KAT6B: variants seen among roughly 807,000 people sequenced by gnomAD.
The protein encoded by KAT6B is histone acetyltransferase KAT6B.
In KAT6B, 10 loss-of-function variants were observed where a neutral mutation model predicts 187.5. That is an observed-to-expected ratio of 0.05 (90% CI 0.03 to 0.09). KAT6B has a LOEUF of 0.09. KAT6B is among the 10% of genes least tolerant of loss of function. KAT6B has a pLI of 1.00. For missense variants in KAT6B, 1,952 were observed against 2,558.9 expected, an observed-to-expected ratio of 0.76 and a Z score of 5.12; for synonymous variants, 861 against 926.8, an observed-to-expected ratio of 0.93 and a Z score of 1.29.
At chr10:74,842,445 G>GA (rs2132068148) in intron 2 of KAT6B, among the ~76,000 whole-genome samples, 155 bp from the exon 3 acceptor site, 1 of 152,240 alleles carries the variant, frequency 6.6e-6, no homozygotes, top group East Asian at 1.9e-4. Flanking sequence ...ATTTCTTGTT[G>GA]AAAAATATAG....
intron 3 of KAT6B, among the ~76,000 whole-genome samples, chr10:74,895,245 G>GT (rs1258030518): frequency 6.6e-6 from 1 of 151,600 alleles, no homozygotes; most frequent in Non-Finnish European, 1.5e-5. Flanking sequence ...TTAGTTTGTT[G>GT]TTTTTTTGAT....
In KAT6B at chr10:74,981,302, TCTTTCTTC is replaced by T. The variant is rs1313712322; in HGVS notation, c.2232-481_2232-474del. The stretch of plus-strand genomic sequence containing the variant: ...TTACTATTGGCTGGCTTTCTTTCTT[TCTTTCTTC>T]CTTCCTTCCTTCCTTCCTTCCTTCC... On this transcript the variant is annotated intron_variant, in intron 10 of 17. Transcript: ENST00000287239. Among the ~76,000 whole-genome samples, 35 of 126,714 alleles carry T rather than the reference TCTTTCTTC, an allele frequency of 2.8e-4. 1 individual carries two copies. The South Asian group carries it at 9.7e-3, about 35-fold the overall frequency. The allele number at this position is 126,714 out of a possible 152,430, so 83.1% of individuals were successfully genotyped here.
Position 74,975,966 on chromosome 10 carries a change from C to G in KAT6B, c.1629C>G (p.Leu543=), listed in dbSNP as rs1554835808. The G allele has an allele frequency of 1.2e-6, 2 of 1,614,150 alleles. No homozygotes were observed. Among genetic ancestry groups the G allele is most frequent in the Non-Finnish European group, 1.7e-6 (2 of 1,180,030 alleles). ...SLTTNSQLKA[L]FDGLSHIYTT... Reference sequence around the variant, plus strand: ...CCACTAACAGCCAGCTGAAGGCACTCTTTGATGGGCTTTCTCATATCTATA... The same window carrying G: ...CCACTAACAGCCAGCTGAAGGCACTGTTTGATGGGCTTTCTCATATCTATA... The change falls in exon 8 of 18, where the codon CTC becomes CTG. Residue 543 remains leucine, a synonymous_variant. Transcript: ENST00000287239.
At position 74,976,135 on chromosome 10, in the gene KAT6B, C is replaced by T. The variant is rs187153114; in HGVS notation, c.1798C>T (p.His600Tyr). ...AGATATTAGAAGTCGGTTTATTTCT[C>T]ACTCCTCCTCCTCTAGCTGGGGGAT... ...KRDIRSRFIS[H>Y]SSSSSWGMAR... Residue 600 changes from histidine (H) to tyrosine (Y), a missense_variant, in exon 8 of 18, where the codon CAC becomes TAC. Physicochemically the swap from His to Tyr is moderately conservative, Grantham distance 83. Around this residue, in one of 9 missense-constraint regions of KAT6B, gnomAD observed 417 missense variants for 508.9 expected, o/e 0.82. Coordinates refer to ENST00000287239, the MANE Select transcript of KAT6B (RefSeq NM_012330.4). 58 of 1,614,220 alleles carry T rather than the reference C, an allele frequency of 3.6e-5. No homozygotes were observed. The highest frequency in any genetic ancestry group is 5.3e-5 in the African/African-American group (4 of 75,064).
chr10:74,998,041 G>A (rs768575230), intron 13 of KAT6B, among the ~76,000 whole-genome samples: 3 of 152,188 alleles, frequency 2.0e-5, no homozygotes, highest in East Asian at 1.9e-4. Flanking sequence ...GAACCTGAGC[G>A]GCGGAGGTTG....
chr10:74,914,720 C>A (rs1029709452), intron 3 of KAT6B, among the ~76,000 whole-genome samples: 2 of 152,122 alleles, frequency 1.3e-5, no homozygotes, highest in African/African-American at 4.8e-5. Context: ...ATATTTTTTT[C>A]TGTTGACACA....
At chr10:75,002,117 G>A (rs1843877420) in intron 13 of KAT6B, among the ~76,000 whole-genome samples, 1 of 152,186 alleles carries the variant, frequency 6.6e-6, no homozygotes, top group African/African-American at 2.4e-5. Context: ...GGTGTCCAGA[G>A]CTCCAGTGCC....
At chr10:74,918,296 T>C (rs1446160659) in intron 3 of KAT6B, among the ~76,000 whole-genome samples, 1 of 152,232 alleles carries the variant, frequency 6.6e-6, no homozygotes, top group Non-Finnish European at 1.5e-5. Context: ...CCTGCTCTTG[T>C]TCTAATATAT....
In KAT6B at chr10:75,030,104, G is replaced by A. The variant is rs530795452; in HGVS notation, c.5280G>A (p.Pro1760=). 4.6e-5 allele frequency: 75 copies of A among 1,614,092 alleles called. No homozygotes were observed. The East Asian group carries it at 7.3e-4, about 16-fold the overall frequency. Residue 1760 remains proline, a synonymous_variant, in exon 18 of 18, where the codon CCG becomes CCA. Transcript: ENST00000287239. The surrounding 1 kb of genome is among the most constrained non-coding windows in gnomAD (Gnocchi z 4.8). ...AAGGCTGTGTGGTGGAGAGGCCTCC[G>A]AGCAGCAGCCAGCAGCTGGCTCAGT... ...SPQGCVVERP[P]SSSQQLAQCS...
At chr10:74,842,386 T>C (rs1236996387) in intron 2 of KAT6B, among the ~76,000 whole-genome samples, 7 of 152,194 alleles carry the variant, frequency 4.6e-5, no homozygotes, top group Non-Finnish European at 1.0e-4. Context: ...TGACTTCATA[T>C]AGAGAAGTGA....
chr10:74,974,501 T>C lies in KAT6B; in HGVS notation c.1062-898T>C, dbSNP rs1842036540. On this transcript the variant is annotated intron_variant, in intron 7 of 17. Transcript: ENST00000287239. ...GTTTCTCTATTGTATAAAACTCTGCTACAAAATGGGTAGCTTCGCAAACCC... is the reference window on the plus strand; with the variant it reads ...GTTTCTCTATTGTATAAAACTCTGCCACAAAATGGGTAGCTTCGCAAACCC... Among the ~76,000 whole-genome samples, 3 of 152,224 alleles carry C rather than the reference T, an allele frequency of 2.0e-5. No individual in the cohort carries two copies. The South Asian group carries it at 6.2e-4, about 31-fold the overall frequency.
chr10:74,849,350 C>T (rs1284689703), intron 3 of KAT6B, among the ~76,000 whole-genome samples: 3 of 151,306 alleles, frequency 2.0e-5, no homozygotes, highest in Non-Finnish European at 4.4e-5. Flanking sequence ...CTGGAGTACG[C>T]TGGTGCCATC....
Position 75,030,297 on chromosome 10 carries a change from A to G in KAT6B, c.5473A>G (p.Asn1825Asp), listed in dbSNP as rs1589846617. 1 of 1,614,208 alleles carries G rather than the reference A, an allele frequency of 6.2e-7. No individual in the cohort carries two copies. The highest frequency in any genetic ancestry group is 8.5e-7 in the Non-Finnish European group (1 of 1,180,032). ...CCTTGCCAAACTGCAGCAGTTAACT[A>G]ATACACTTATTGATCATTCATTGCC... ...FSLAKLQQLT[N>D]TLIDHSLPYS... The change falls in exon 18 of 18, where the codon AAT (asparagine) becomes GAT (aspartate). Residue 1825 changes from asparagine to aspartate, a missense_variant. By Grantham distance (23) the Asn-to-Asp change is conservative (BLOSUM62 1). Transcript: ENST00000287239. This position sits in a 1 kb window ranked among gnomAD's most constrained non-coding sequence, Gnocchi z 4.8.
chr10:74,917,478 T>A (rs765937541), intron 3 of KAT6B, among the ~76,000 whole-genome samples: 2 of 152,214 alleles, frequency 1.3e-5, no homozygotes, highest in Non-Finnish European at 2.9e-5. Flanking sequence ...TCTAATCCTT[T>A]CTTTGTCTTT....
At chr10:75,013,692 G>A (rs1317405027) in intron 13 of KAT6B, among the ~76,000 whole-genome samples, 1 of 152,104 alleles carries the variant, frequency 6.6e-6, no homozygotes. Context: ...TTACTGTGAT[G>A]CGTCAAGCAC....
chr10:74,848,360 T>A lies in KAT6B; in HGVS notation c.621+4882T>A, dbSNP rs955309938. Among the ~76,000 whole-genome samples, 15 of 152,174 alleles carry A rather than the reference T, an allele frequency of 9.9e-5. No individual in the cohort carries two copies. In the East Asian group the frequency reaches 2.9e-3, roughly 30 times the overall value. On this transcript the variant is annotated intron_variant, in intron 3 of 17. Coordinates refer to ENST00000287239, the MANE Select transcript of KAT6B (RefSeq NM_012330.4). ...TTAAAACATAAAGAGATTTTTGGCTTGCGGCGTGGTGGCACACGCCTATAA... is the reference window on the plus strand; with the variant it reads ...TTAAAACATAAAGAGATTTTTGGCTAGCGGCGTGGTGGCACACGCCTATAA...
Position 75,031,209 on chromosome 10 carries a change from C to A in KAT6B, c.*163C>A. 1.3e-6 allele frequency: 1 copy of A among 787,028 alleles called. No individual in the cohort carries two copies. The highest frequency in any genetic ancestry group is 2.0e-6 in the Non-Finnish European group (1 of 495,044). 48.8% of individuals were successfully genotyped at this position (787,028 alleles called of 1,614,324 possible). A position where few individuals can be genotyped will look rare whatever the true frequency, so the allele number is the denominator to read the frequency against. On this transcript the variant is annotated 3_prime_UTR_variant, in exon 18 of 18. Transcript: ENST00000287239. ...AAAAAAAGCTGTATGCAGCAGAAAG[C>A]CTTATACAAGTTGTTTTTCTTTTTT...
intron 13 of KAT6B, among the ~76,000 whole-genome samples, chr10:75,010,902 A>G (rs769442378): frequency 5.3e-5 from 8 of 152,248 alleles, no homozygotes; most frequent in African/African-American, 9.6e-5. Context: ...CAGGAGAACA[A>G]TCTTAAAGGT....
intron 3 of KAT6B, among the ~76,000 whole-genome samples, chr10:74,854,871 G>A (rs1227554656): frequency 1.3e-5 from 2 of 152,160 alleles, no homozygotes; most frequent in Non-Finnish European, 2.9e-5. Context: ...TCTGTAGCTC[G>A]ACAGGCGTTA....
Sources: allele counts gnomAD v4.1 joint callset (sites outside exome capture counted in the v4.1 genomes callset), GRCh38; gene constraint gnomAD v4.1.1; regional missense constraint gnomAD v4.1.1; non-coding constraint Gnocchi (gnomAD v3.1); transcripts MANE v1.5; gene names NCBI Gene and HGNC (gene_info 2026-07-23, HGNC 2026-07-21).